The following PCNX2 variants were observed in gnomAD, a reference collection of about 807,000 sequenced individuals.
PCNX2 encodes the protein pecanex 2.
A neutral mutation model predicts 223.8 loss-of-function variants in PCNX2; 168 were observed. The ratio of observed to expected loss-of-function variants is 0.75; its 90% confidence interval spans 0.66 to 0.85. The LOEUF (loss-of-function observed/expected upper bound fraction) is 0.85. Ranked by LOEUF, PCNX2 falls within the 40% of genes least tolerant of loss-of-function variation. The probability of loss-of-function intolerance (pLI) is 0.00; values close to 1 mark genes in which losing one functional copy is unlikely to be tolerated. For missense variants in PCNX2, 2,507 were observed against 2,675.5 expected, an observed-to-expected ratio of 0.94 and a Z score of 1.39; for synonymous variants, 1,006 against 1,052.6, an observed-to-expected ratio of 0.96 and a Z score of 0.86.
chr1:233,137,148 C>T (rs1400188949), intron 20 of PCNX2, among the ~76,000 whole-genome samples: 2 of 152,202 alleles, frequency 1.3e-5, no homozygotes, highest in African/African-American at 4.8e-5. Flanking sequence ...AAAATGGATT[C>T]CTGGCCAGGA....
intron 30 of PCNX2, chr1:232,999,617 C>T: frequency 2.1e-6 from 1 of 466,274 alleles, no homozygotes; most frequent in South Asian, 2.6e-5. Context: ...ACACACCTGG[C>T]TAATTTTGTA....
rs567782242 is a variant in PCNX2, at chr1:233,195,884, G to A, written c.3066+3055C>T. Among the ~76,000 whole-genome samples, 4 of 152,182 alleles carry A rather than the reference G, an allele frequency of 2.6e-5. No individual in the cohort carries two copies. The South Asian group carries it at 6.2e-4, about 24-fold the overall frequency. On this transcript the variant is annotated intron_variant, in intron 15 of 33. Transcript: ENST00000258229. ...TCTACAAATTCATCATAATCCCAAC[G>A]AAAATTTTTGCAAATTTTGGTAGGA...
intron 15 of PCNX2, among the ~76,000 whole-genome samples, chr1:233,183,443 CA>C (rs1414465021): frequency 1.3e-5 from 2 of 152,150 alleles, no homozygotes; most frequent in African/African-American, 4.8e-5. Flanking sequence ...CAAGAATTTT[CA>C]GCAAGAAAAG....
intron 1 of PCNX2, among the ~76,000 whole-genome samples, chr1:233,263,959 G>T (rs531062760): frequency 1.7e-4 from 26 of 152,106 alleles, no homozygotes; most frequent in Non-Finnish European, 3.4e-4. Flanking sequence ...ACGCCTGCAG[G>T]CCATGGATTT....
chr1:233,032,695 C>T (rs775184087), intron 25 of PCNX2, among the ~76,000 whole-genome samples: 1 of 151,518 alleles, frequency 6.6e-6, no homozygotes, highest in African/African-American at 2.4e-5. Context: ...GAGAAGATGG[C>T]GAATTTGAAT....
chr1:233,148,880 G>T (rs777398105), intron 19 of PCNX2, among the ~76,000 whole-genome samples: 4 of 152,198 alleles, frequency 2.6e-5, no homozygotes, highest in Admixed American at 6.5e-5. Context: ...AATAATGTAA[G>T]AAGAAGCTAA....
At chr1:233,026,460 CT>C (rs1286938944) in intron 25 of PCNX2, among the ~76,000 whole-genome samples, 9 of 152,130 alleles carry the variant, frequency 5.9e-5, no homozygotes, top group Non-Finnish European at 8.8e-5. Context: ...TGACTTATGT[CT>C]TAGGAGGACC....
chr1:232,988,862 G>A (rs1669590391), intron 32 of PCNX2, among the ~76,000 whole-genome samples: 1 of 152,238 alleles, frequency 6.6e-6, no homozygotes, highest in African/African-American at 2.4e-5. Context: ...GGACCTAGAT[G>A]AGGCTGGCGT....
At position 232,984,420 on chromosome 1, in the gene PCNX2, G is replaced by A. The variant is rs777172938; in HGVS notation, c.6298C>T (p.Arg2100Ter). 34 of 1,613,700 alleles carry A rather than the reference G, an allele frequency of 2.1e-5. No individual in the cohort carries two copies. The highest frequency in any genetic ancestry group is 2.7e-5 in the Non-Finnish European group (32 of 1,179,830). The change falls in exon 34 of 34, where the codon CGA becomes TGA. Residue 2100 changes from arginine to a stop codon, truncating the protein, a stop_gained. Transcript: ENST00000258229. LOFTEE classifies it high-confidence loss of function. ...DATEQGQLHD[R>*]CLAEAVADTL... ...TCCGCCACAGCCTCAGCCAGACATC[G>A]GTCATGAAGCTGCCCCTGCTCGGTG...
chr1:233,221,232 A>G (rs1215123416), intron 10 of PCNX2, among the ~76,000 whole-genome samples: 2 of 152,192 alleles, frequency 1.3e-5, no homozygotes, highest in Non-Finnish European at 2.9e-5. Context: ...ATATTTGGCA[A>G]AAAGGAAATT....
At position 232,984,232 on chromosome 1, in the gene PCNX2, G is replaced by C; in HGVS notation, c.*72C>G. 7.4e-7 allele frequency: 1 copy of C among 1,343,810 alleles called. No homozygotes were observed. Among genetic ancestry groups the C allele is most frequent in the Non-Finnish European group, 9.7e-7 (1 of 1,031,456 alleles). The allele number at this position is 1,343,810 out of a possible 1,614,324, so 83.2% of individuals were successfully genotyped here. On this transcript the variant is annotated 3_prime_UTR_variant, in exon 34 of 34. Transcript: ENST00000258229. ...CGGTATTGGTTGGTTGTGGTGATTT[G>C]GGGAGCACGAGGGAGAGCAATGCAG...
rs1448177267 is a variant in PCNX2, at chr1:233,154,726, A to C, written c.3517+5557T>G. ...ACATGAAATTAATTGTAAGCTCCTC[A>C]CTTAGGATATTAGCCTTTTACTTCT... On this transcript the variant is annotated intron_variant, in intron 19 of 33. Coordinates refer to ENST00000258229, the MANE Select transcript of PCNX2 (RefSeq NM_014801.4). Among the ~76,000 whole-genome samples the C allele has an allele frequency of 3.3e-4, 50 of 152,170 alleles. 1 individual carries two copies. The highest frequency in any genetic ancestry group is 1.5e-5 in the Non-Finnish European group (1 of 68,034).
chr1:233,038,517 T>C (rs959133904), intron 25 of PCNX2, among the ~76,000 whole-genome samples: 3 of 152,208 alleles, frequency 2.0e-5, no homozygotes, highest in African/African-American at 7.2e-5. Flanking sequence ...TAGACAAACA[T>C]GGCTTCGTCT....
intron 25 of PCNX2, chr1:233,032,051 G>A (rs1671286898): frequency 6.1e-6 from 6 of 979,262 alleles, no homozygotes; most frequent in Non-Finnish European, 7.3e-6. Context: ...ATATAATTTA[G>A]GAAGAAATTC....
intron 13 of PCNX2, among the ~76,000 whole-genome samples, chr1:233,205,719 C>G (rs755577976): frequency 1.3e-5 from 2 of 151,248 alleles, no homozygotes; most frequent in Non-Finnish European, 3.0e-5. Flanking sequence ...CAAAACAAAA[C>G]AAAAAACACG....
intron 12 of PCNX2, among the ~76,000 whole-genome samples, chr1:233,215,310 C>T (rs1169657606): frequency 1.3e-5 from 2 of 152,186 alleles, no homozygotes; most frequent in African/African-American, 2.4e-5. Flanking sequence ...GAAATGCCAA[C>T]TCAAATCAGA....
chr1:233,047,600 C>CAGGACA (rs1671864318), intron 25 of PCNX2, among the ~76,000 whole-genome samples: 1 of 152,140 alleles, frequency 6.6e-6, no homozygotes, highest in Non-Finnish European at 1.5e-5. Flanking sequence ...AACAGTAAAA[C>CAGGACA]AGGACAAGGA....
rs777890696 is a variant in PCNX2 at position 233,198,777 on chromosome 1, T to C, written c.3066+162A>G. On this transcript the variant is annotated intron_variant, in intron 15 of 33. Transcript: ENST00000258229. ...TTAGGGCCAACCAGGCATCCTGACCTGTCTTCTAACACTACTGAGGCCTCA... is the reference window on the plus strand; with the variant it reads ...TTAGGGCCAACCAGGCATCCTGACCCGTCTTCTAACACTACTGAGGCCTCA... 2.2e-4 allele frequency among the ~76,000 whole-genome samples: 34 copies of C among 152,360 alleles called. No homozygotes were observed. In the Middle Eastern group the frequency reaches 0.014, roughly 61 times the overall value.
chr1:233,250,508 T>C (rs1290949518), intron 8 of PCNX2: 1 of 934,610 alleles, frequency 1.1e-6, no homozygotes, highest in African/African-American at 1.8e-5. Flanking sequence ...CTATTTATAC[T>C]ACCTACATGT....
Sources: allele counts gnomAD v4.1 joint callset (sites outside exome capture counted in the v4.1 genomes callset), GRCh38; gene constraint gnomAD v4.1.1; transcripts MANE v1.5; gene names NCBI Gene and HGNC (gene_info 2026-07-23, HGNC 2026-07-21).